The following ALOX5 variants were observed in gnomAD, a reference collection of about 807,000 sequenced individuals.
ALOX5 encodes the protein arachidonate 5-lipoxygenase, also known as polyunsaturated fatty acid 5-lipoxygenase.
Under a neutral mutation model 87.9 loss-of-function variants are expected in ALOX5, and 64 were observed. That is an observed-to-expected ratio of 0.73 (90% CI 0.60 to 0.90). The LOEUF (loss-of-function observed/expected upper bound fraction) is 0.90, where lower values mean the gene tolerates loss of function less well. ALOX5 is among the 40% of genes least tolerant of loss of function. The probability of loss-of-function intolerance (pLI) is 0.00; values close to 1 mark genes in which losing one functional copy is unlikely to be tolerated. For synonymous variants in ALOX5, 388 were observed against 355.1 expected (o/e 1.09, Z -1.04); for missense variants, 822 against 907.5 (o/e 0.91, Z 1.21).
At position 45,443,719 on chromosome 10, in the gene ALOX5, C is replaced by G; in HGVS notation, c.1574-9C>G. The G allele has an allele frequency of 6.2e-7, 1 of 1,610,442 alleles. No homozygotes were observed. The highest frequency in any genetic ancestry group is 8.5e-7 in the Non-Finnish European group (1 of 1,178,758). On this transcript the variant is annotated splice_polypyrimidine_tract_variant and intron_variant, in intron 11 of 13. Transcript: ENST00000374391. ...ACTGGGCCTCAGCCCGCCGGTGGTT[C>G]CACCCTAGGCTTCCCCAAGTCGGTC...
intron 1 of ALOX5, among the ~76,000 whole-genome samples, chr10:45,379,207 C>A (rs376068001): frequency 6.6e-6 from 1 of 152,146 alleles, no homozygotes; most frequent in Non-Finnish European, 1.5e-5. Context: ...GGGAGCCTCC[C>A]TCCCATGAGA....
chr10:45,410,508 G>A (rs914469087), intron 3 of ALOX5, among the ~76,000 whole-genome samples: 1 of 152,150 alleles, frequency 6.6e-6, no homozygotes, highest in Non-Finnish European at 1.5e-5. Flanking sequence ...GATCATACCC[G>A]GTCCCTGTTC....
At chr10:45,436,034 T>C (rs973759473) in intron 7 of ALOX5, among the ~76,000 whole-genome samples, 1 of 152,242 alleles carries the variant, frequency 6.6e-6, no homozygotes, top group Non-Finnish European at 1.5e-5. Context: ...ATGTTGGGCA[T>C]TTTTTCATAT....
chr10:45,402,316 T>A (rs1335198125), intron 3 of ALOX5, among the ~76,000 whole-genome samples: 3 of 152,040 alleles, frequency 2.0e-5, no homozygotes, highest in Non-Finnish European at 4.4e-5. Flanking sequence ...ACCTCAAAAC[T>A]GTCTTAGCTT....
intron 2 of ALOX5, among the ~76,000 whole-genome samples, chr10:45,390,341 C>G (rs1358281919): frequency 1.3e-5 from 2 of 152,192 alleles, no homozygotes; most frequent in Non-Finnish European, 2.9e-5. Context: ...GCAAGCGGAG[C>G]TAATAGACAT....
chr10:45,435,585 C>G (rs574065467), intron 7 of ALOX5, among the ~76,000 whole-genome samples: 15 of 152,264 alleles, frequency 9.9e-5, no homozygotes, highest in Non-Finnish European at 2.2e-4. Flanking sequence ...TAAGCTGCAT[C>G]CATGTTGCTG....
chr10:45,403,797 A>G (rs1317134573), intron 3 of ALOX5, among the ~76,000 whole-genome samples: 1 of 152,134 alleles, frequency 6.6e-6, no homozygotes, highest in Non-Finnish European at 1.5e-5. Context: ...CCAGACTTCC[A>G]TACCTGGTGC....
chr10:45,391,217 C>A (rs866562987), intron 2 of ALOX5, among the ~76,000 whole-genome samples: 1 of 151,634 alleles, frequency 6.6e-6, no homozygotes, highest in Non-Finnish European at 1.5e-5. Context: ...CTCAGCCTGC[C>A]GAGTGCCTGC....
At chr10:45,377,255 G>A (rs1258611734) in intron 1 of ALOX5, among the ~76,000 whole-genome samples, 1 of 152,098 alleles carries the variant, frequency 6.6e-6, no homozygotes, top group African/African-American at 2.4e-5. Context: ...TATTAGTGGA[G>A]CATAAATATT....
chr10:45,428,788 T>C (rs1183476787), intron 7 of ALOX5, 24 bp downstream of exon 7: 5 of 1,613,072 alleles, frequency 3.1e-6, no homozygotes, highest in Middle Eastern at 3.6e-4. Flanking sequence ...GGGCACACCT[T>C]TCTGAGCAGC....
chr10:45,413,127 G>A (rs1841132011), intron 4 of ALOX5, among the ~76,000 whole-genome samples: 1 of 152,178 alleles, frequency 6.6e-6, no homozygotes, highest in South Asian at 2.1e-4. Flanking sequence ...AAGCCTGGCA[G>A]ACACACAACA....
At chr10:45,385,860 G>A (rs375937794) in intron 2 of ALOX5, among the ~76,000 whole-genome samples, 11 of 152,272 alleles carry the variant, frequency 7.2e-5, no homozygotes, top group Admixed American at 2.0e-4. Context: ...GCTGTCGGGT[G>A]GACAGCTCAG....
chr10:45,393,590 G>C (rs545080910), intron 2 of ALOX5, among the ~76,000 whole-genome samples: 115 of 152,288 alleles, frequency 7.6e-4, no homozygotes, highest in African/African-American at 2.5e-3. Flanking sequence ...CATAGTGTTG[G>C]AAGTTCTGGC....
chr10:45,422,094 T>C (rs61854091), intron 4 of ALOX5, among the ~76,000 whole-genome samples: 8,409 of 152,234 alleles, frequency 0.055, 297 homozygotes, highest in Non-Finnish European at 0.08. Flanking sequence ...CTGTTCTGCC[T>C]GGATGCACCC....
At chr10:45,375,700 A>G (rs1197221128) in intron 1 of ALOX5, among the ~76,000 whole-genome samples, 1 of 147,240 alleles carries the variant, frequency 6.8e-6, no homozygotes, top group African/African-American at 2.5e-5. Flanking sequence ...CTCGATTCCT[A>G]TCCAGGAGCC....
At chr10:45,443,241 C>T (rs761974709) in intron 10 of ALOX5, 25 bp downstream of exon 10, 2 of 1,606,316 alleles carry the variant, frequency 1.2e-6, no homozygotes, top group South Asian at 2.2e-5. Context: ...GGCGGTGGTC[C>T]TGGGGGAGGA....
chr10:45,443,190 G>C lies in ALOX5; in HGVS notation c.1425G>C (p.Gly475=), dbSNP rs1340336984. The C allele has an allele frequency of 6.2e-7, 1 of 1,613,528 alleles. No individual in the cohort carries two copies. Among genetic ancestry groups the C allele is most frequent in the African/African-American group, 1.3e-5 (1 of 74,940 alleles). The change falls in exon 10 of 14, where the codon GGG becomes GGC. Residue 475 remains glycine (G), a synonymous_variant. Transcript: ENST00000374391. ...DIPYYFYRDD[G]LLVWEAIRTF... is the part of the protein sequence containing the mutation. ...CCTACTACTTCTACCGGGACGACGGGCTCCTGGTGTGGGAAGCCATCAGGA... is the reference window on the plus strand; with the variant it reads ...CCTACTACTTCTACCGGGACGACGGCCTCCTGGTGTGGGAAGCCATCAGGA...
intron 7 of ALOX5, among the ~76,000 whole-genome samples, chr10:45,438,384 G>T (rs1287602494): frequency 6.6e-6 from 1 of 152,194 alleles, no homozygotes; most frequent in East Asian, 1.9e-4. Context: ...AATGGGTACA[G>T]CAAGGAATAT....
rs560272313 is a variant in ALOX5 at position 45,382,375 on chromosome 10, G to A, written c.151-108G>A. ...TTTTTTTAAGTGCTTTTCATTCAAC[G>A]TAGTCCCTGTGCCACAGCAGCATAC... On this transcript the variant is annotated intron_variant, in intron 1 of 13. Transcript: ENST00000374391. The A allele has an allele frequency of 1.1e-4, 126 of 1,145,098 alleles. No individual in the cohort carries two copies. In the African/African-American group the frequency reaches 1.3e-3, roughly 12 times the overall value. The allele number at this position is 1,145,098 out of a possible 1,614,324, so 70.9% of individuals were successfully genotyped here. A position where few individuals can be genotyped will look rare whatever the true frequency, so the allele number is the denominator to read the frequency against.
Sources: allele counts gnomAD v4.1 joint callset (sites outside exome capture counted in the v4.1 genomes callset), GRCh38; gene constraint gnomAD v4.1.1; transcripts MANE v1.5; gene names NCBI Gene and HGNC (gene_info 2026-07-23, HGNC 2026-07-21).